TMEM38B: variants seen among roughly 807,000 people sequenced by gnomAD.
TMEM38B encodes the protein transmembrane protein 38B.
In TMEM38B, 24 loss-of-function variants were observed where a neutral mutation model predicts 28.7. The ratio of observed to expected loss-of-function variants is 0.84; its 90% CI spans 0.61 to 1.18. The LOEUF (loss-of-function observed/expected upper bound fraction) is 1.18. Among genes scored for constraint, TMEM38B ranks in the 50% most tolerant of loss-of-function variants. TMEM38B has a pLI of 0.00. For missense variants in TMEM38B, 380 were observed against 350.9 expected, an observed-to-expected ratio of 1.08 and a Z score of -0.66; for synonymous variants, 131 against 127.7, an observed-to-expected ratio of 1.03 and a Z score of -0.17.
At chr9:105,725,012 C>T (rs1447468058) in intron 4 of TMEM38B, among the ~76,000 whole-genome samples, 1 of 152,022 alleles carries the variant, frequency 6.6e-6, no homozygotes, top group Non-Finnish European at 1.5e-5. Flanking sequence ...TATTATTTCC[C>T]TTGCTCACTC....
Position 105,775,273 on chromosome 9 carries a change from A to G in TMEM38B, c.*1193A>G, listed in dbSNP as rs1374580957. 1 of 152,178 alleles carries G rather than the reference A, an allele frequency of 6.6e-6. No homozygotes were observed. The highest frequency in any genetic ancestry group is 2.4e-5 in the African/African-American group (1 of 41,470). 9.4% of individuals were successfully genotyped at this position (152,178 alleles called of 1,614,324 possible). Reference sequence around the variant, plus strand: ...TGGCAGTCCATTTAGATGAAGAATGATGATATAAAATCTGGTTCCTTCTTA... The same window carrying G: ...TGGCAGTCCATTTAGATGAAGAATGGTGATATAAAATCTGGTTCCTTCTTA... On this transcript the variant is annotated 3_prime_UTR_variant, in exon 6 of 6. Coordinates refer to ENST00000374692, the MANE Select transcript of TMEM38B (RefSeq NM_018112.3).
intron 4 of TMEM38B, among the ~76,000 whole-genome samples, chr9:105,727,503 G>C (rs1588423275): frequency 6.6e-6 from 1 of 152,242 alleles, no homozygotes; most frequent in Middle Eastern, 3.4e-3. Flanking sequence ...TTGGATTTTG[G>C]AATATTTGTA....
intron 4 of TMEM38B, among the ~76,000 whole-genome samples, chr9:105,740,292 G>A (rs1223221122): frequency 8.0e-6 from 1 of 124,930 alleles, no homozygotes; most frequent in Non-Finnish European, 1.6e-5. Flanking sequence ...ACAGGGTCTT[G>A]CTCTGTTGCC....
chr9:105,750,364 C>T (rs1837602514), intron 5 of TMEM38B, among the ~76,000 whole-genome samples: 2 of 152,082 alleles, frequency 1.3e-5, no homozygotes, highest in African/African-American at 2.4e-5. Context: ...TGGCTCACAC[C>T]TATAATCCCA....
intron 4 of TMEM38B, among the ~76,000 whole-genome samples, chr9:105,723,677 G>A (rs1836407949): frequency 1.3e-5 from 2 of 151,732 alleles, no homozygotes; most frequent in South Asian, 4.2e-4. Context: ...GATTACAGAT[G>A]TGAAGCACCA....
At chr9:105,754,251 T>C (rs553961389) in intron 5 of TMEM38B, among the ~76,000 whole-genome samples, 161 of 152,212 alleles carry the variant, frequency 1.1e-3, no homozygotes, top group African/African-American at 3.7e-3. Context: ...AACAGAGATA[T>C]TCAGGACCTG....
Position 105,771,573 on chromosome 9 carries a change from C to G in TMEM38B, c.661-2292C>G, listed in dbSNP as rs1826543952. 4.6e-5 allele frequency among the ~76,000 whole-genome samples: 7 copies of G among 152,226 alleles called. No homozygotes were observed. The South Asian group carries it at 1.5e-3, about 32-fold the overall frequency. On this transcript the variant is annotated intron_variant, in intron 5 of 5. Coordinates refer to ENST00000374692, the MANE Select transcript of TMEM38B (RefSeq NM_018112.3). ...TAGACCATTGTTTTTGATTGGAATT[C>G]TATTATCTTTTATTTGCAGTTCCTT...
intron 4 of TMEM38B, among the ~76,000 whole-genome samples, chr9:105,738,130 A>G (rs1456732530): frequency 6.6e-6 from 1 of 152,126 alleles, no homozygotes; most frequent in Non-Finnish European, 1.5e-5. Context: ...GCTACAGAAG[A>G]TGAGGGAGGT....
At chr9:105,748,008 CTT>C (rs1420194114) in intron 4 of TMEM38B, 63 bp from the exon 5 acceptor site, 2 of 1,133,080 alleles carry the variant, frequency 1.8e-6, no homozygotes, top group East Asian at 2.4e-5. Flanking sequence ...GCAGTGCACT[CTT>C]TGAGAAAGTT....
Position 105,694,762 on chromosome 9 carries a change from ACGT to A in TMEM38B, c.104_106del (p.Arg35del). On this transcript the variant is annotated inframe_deletion, in exon 1 of 6. Transcript: ENST00000374692. ...ATCTAGTGTCAGTGATGGCGGTGAA[ACGT>A]CAGCCGGGTGAGTGCGGGGCGCCGC... is the stretch of plus-strand genomic sequence containing the variant. 1 of 1,557,000 alleles carries A rather than the reference ACGT, an allele frequency of 6.4e-7. No homozygotes were observed.
intron 4 of TMEM38B, among the ~76,000 whole-genome samples, chr9:105,744,526 A>G (rs1837316682): frequency 6.6e-6 from 1 of 151,816 alleles, no homozygotes; most frequent in Non-Finnish European, 1.5e-5. Flanking sequence ...TAGTCCTAAG[A>G]AAAGATATTT....
chr9:105,721,663 T>G lies in TMEM38B; in HGVS notation c.396T>G (p.His132Gln), dbSNP rs1836325563. The G allele has an allele frequency of 1.2e-6, 2 of 1,613,464 alleles. No individual in the cohort carries two copies. The highest frequency in any genetic ancestry group is 1.7e-6 in the Non-Finnish European group (2 of 1,179,640). The change falls in exon 3 of 6, where the codon CAT becomes CAG. Residue 132 changes from histidine to glutamine, a missense_variant. Physicochemically the swap from His to Gln is conservative, Grantham distance 24. Coordinates refer to ENST00000374692, the MANE Select transcript of TMEM38B (RefSeq NM_018112.3). ...GGAAAATAGTAGGTGGAGTCACACATGCTAATAGCTATTACAAAAATGGCT... is the reference window on the plus strand; with the variant it reads ...GGAAAATAGTAGGTGGAGTCACACAGGCTAATAGCTATTACAAAAATGGCT... ...RTWKIVGGVTHANSYYKNGWI... is the reference protein window; with the variant it reads ...RTWKIVGGVTQANSYYKNGWI...
chr9:105,703,557 A>G (rs1313439752), intron 1 of TMEM38B, among the ~76,000 whole-genome samples: 1 of 152,234 alleles, frequency 6.6e-6, no homozygotes, highest in African/African-American at 2.4e-5. Flanking sequence ...CTTTGGGTAT[A>G]TACCCAGTAA....
At chr9:105,765,579 C>T (rs1269895607) in intron 5 of TMEM38B, among the ~76,000 whole-genome samples, 4 of 152,124 alleles carry the variant, frequency 2.6e-5, no homozygotes, top group Non-Finnish European at 1.5e-5. Flanking sequence ...TCTGTAGTTT[C>T]ATATGGAGTC....
chr9:105,765,067 A>G (rs1826319608), intron 5 of TMEM38B, among the ~76,000 whole-genome samples: 1 of 152,220 alleles, frequency 6.6e-6, no homozygotes, highest in African/African-American at 2.4e-5. Flanking sequence ...CTTACACCTT[A>G]TACAAAAATC....
chr9:105,707,377 A>T (rs979362151), intron 2 of TMEM38B, among the ~76,000 whole-genome samples: 5 of 152,168 alleles, frequency 3.3e-5, no homozygotes, highest in African/African-American at 1.2e-4. Context: ...CCTTAAGAGG[A>T]TTGATCCATC....
intron 5 of TMEM38B, among the ~76,000 whole-genome samples, chr9:105,751,838 C>A (rs1430685029): frequency 6.6e-6 from 1 of 152,158 alleles, no homozygotes; most frequent in African/African-American, 2.4e-5. Context: ...CATGGCCAGA[C>A]TGCTTCTTTA....
intron 4 of TMEM38B, among the ~76,000 whole-genome samples, chr9:105,724,889 A>G (rs1588420069): frequency 6.6e-6 from 1 of 152,290 alleles, no homozygotes; most frequent in South Asian, 2.1e-4. Flanking sequence ...AACCAAAATC[A>G]AATTATGTTT....
chr9:105,749,178 G>T, intron 5 of TMEM38B: 16 of 1,183,072 alleles, frequency 1.4e-5, no homozygotes, highest in Non-Finnish European at 1.8e-5. Context: ...GTTGAGCCGT[G>T]TATATTTTTT....
Sources: gnomAD v4.1 joint callset for allele counts (sites outside exome capture counted in the v4.1 genomes callset) on GRCh38, gnomAD v4.1.1 for gene constraint, MANE v1.5 for transcripts, NCBI Gene and HGNC (gene_info 2026-07-23, HGNC 2026-07-21) for gene names.